Variants in MACO1 observed in about 807,000 individuals in gnomAD.
MACO1 encodes macoilin.
Under a neutral mutation model 78.7 loss-of-function variants are expected in MACO1, and 14 were observed. The observed-to-expected ratio is 0.18, with a 90% CI of 0.12 to 0.28. The LOEUF (loss-of-function observed/expected upper bound fraction) is 0.28. Ranked by LOEUF, MACO1 falls within the 10% of genes least tolerant of loss-of-function variation. The pLI is 1.00. For missense variants in MACO1, 501 were observed against 799.0 expected (o/e 0.63, Z 4.50); for synonymous variants, 288 against 291.6 (o/e 0.99, Z 0.12).
At chr1:25,460,508 T>C (rs999993185) in intron 6 of MACO1, among the ~76,000 whole-genome samples, 2 of 151,904 alleles carry the variant, frequency 1.3e-5, no homozygotes, top group African/African-American at 4.8e-5. Context: ...AGGCTCAGGT[T>C]TTCCTCCCAC....
intron 6 of MACO1, among the ~76,000 whole-genome samples, chr1:25,460,265 G>A (rs2043159514): frequency 6.6e-6 from 1 of 152,026 alleles, no homozygotes; most frequent in South Asian, 2.1e-4. Context: ...AAAAACACGT[G>A]GAAGAGAACT....
At chr1:25,451,674 A>T (rs2043067325) in intron 3 of MACO1, among the ~76,000 whole-genome samples, 1 of 152,210 alleles carries the variant, frequency 6.6e-6, no homozygotes, top group Non-Finnish European at 1.5e-5. Flanking sequence ...TGGGAGGCCA[A>T]GGCGGGTGGA....
chr1:25,488,705 G>GAACTCCTGACCTCA, intron 8 of MACO1, among the ~76,000 whole-genome samples: 1 of 152,108 alleles, frequency 6.6e-6, no homozygotes, highest in South Asian at 2.1e-4. Flanking sequence ...GGCTGGTCTT[G>GAACTCCTGACCTCA]AACTCCTGAC....
chr1:25,441,396 G>A (rs1171056664), intron 1 of MACO1, among the ~76,000 whole-genome samples: 2 of 152,120 alleles, frequency 1.3e-5, no homozygotes, highest in African/African-American at 2.4e-5. Context: ...TGTTGGCCAG[G>A]CTGGTCTCGA....
At chr1:25,444,496 CTTAGTT>C (rs955904579) in intron 1 of MACO1, among the ~76,000 whole-genome samples, 5 of 152,090 alleles carry the variant, frequency 3.3e-5, no homozygotes, top group African/African-American at 7.2e-5. Flanking sequence ...GAAAAAAACT[CTTAGTT>C]TTAAAGTCAA....
At chr1:25,489,917 G>A (rs1448061052) in intron 9 of MACO1, among the ~76,000 whole-genome samples, 1 of 152,056 alleles carries the variant, frequency 6.6e-6, no homozygotes, top group Non-Finnish European at 1.5e-5. Context: ...AAGTAAAGGT[G>A]GCATCAGAGA....
chr1:25,497,148 A>G (rs2043544771), intron 10 of MACO1, among the ~76,000 whole-genome samples: 1 of 152,120 alleles, frequency 6.6e-6, no homozygotes, highest in African/African-American at 2.4e-5. Flanking sequence ...TGGGAGGCCG[A>G]GTTGGGCAGA....
chr1:25,460,438 G>C (rs1480357962), intron 6 of MACO1, among the ~76,000 whole-genome samples: 1 of 147,600 alleles, frequency 6.8e-6, no homozygotes, highest in East Asian at 2.0e-4. Flanking sequence ...GGATCTCACT[G>C]TTTTGCCCAG....
At chr1:25,479,079 C>T (rs1348549130) in intron 6 of MACO1, among the ~76,000 whole-genome samples, 1 of 152,170 alleles carries the variant, frequency 6.6e-6, no homozygotes, top group Non-Finnish European at 1.5e-5. Flanking sequence ...CCTCCATTCT[C>T]TCTATCCCTG....
At chr1:25,491,981 G>A (rs142904314) in intron 10 of MACO1, among the ~76,000 whole-genome samples, 33 of 152,330 alleles carry the variant, frequency 2.2e-4, no homozygotes, top group African/African-American at 7.9e-4. Context: ...GCTGATGTCT[G>A]AGGTGGGCCT....
At chr1:25,447,719 G>C (rs1193748372) in intron 2 of MACO1, among the ~76,000 whole-genome samples, 1 of 152,132 alleles carries the variant, frequency 6.6e-6, no homozygotes, top group African/African-American at 2.4e-5. Flanking sequence ...TCTTAGTATT[G>C]TTATGAAAAT....
intron 10 of MACO1, among the ~76,000 whole-genome samples, chr1:25,494,712 T>G (rs1571994017): frequency 1.3e-5 from 2 of 150,634 alleles, no homozygotes; most frequent in African/African-American, 2.4e-5. Context: ...AGAGTGGAGG[T>G]TCCTGAGAGT....
intron 6 of MACO1, among the ~76,000 whole-genome samples, chr1:25,460,294 G>A (rs1354146074): frequency 6.6e-6 from 1 of 152,096 alleles, no homozygotes; most frequent in Non-Finnish European, 1.5e-5. Context: ...GATGCCCATG[G>A]GAGAAAGACC....
intron 10 of MACO1, among the ~76,000 whole-genome samples, chr1:25,494,041 TTA>T (rs2043513637): frequency 1.3e-5 from 2 of 152,218 alleles, no homozygotes; most frequent in Admixed American, 1.3e-4. Context: ...AGATAGTTTC[TTA>T]TCTCTGTTTC....
chr1:25,493,494 C>T (rs1463996024), intron 10 of MACO1, among the ~76,000 whole-genome samples: 2 of 152,022 alleles, frequency 1.3e-5, no homozygotes, highest in Non-Finnish European at 2.9e-5. Context: ...AAGAGATCCT[C>T]CCATCTCAGC....
At chr1:25,455,125 C>T (rs1216471823) in intron 4 of MACO1, among the ~76,000 whole-genome samples, 1 of 152,022 alleles carries the variant, frequency 6.6e-6, no homozygotes, top group Admixed American at 6.6e-5. Flanking sequence ...TCCAGAAGGT[C>T]TTGATGAAAT....
intron 6 of MACO1, among the ~76,000 whole-genome samples, chr1:25,474,672 A>ATAC (rs1280484245): frequency 6.6e-6 from 1 of 152,178 alleles, no homozygotes; most frequent in Non-Finnish European, 1.5e-5. Flanking sequence ...TCCTCAAACT[A>ATAC]TACTGTGCAG....
chr1:25,435,070 T>C (rs937431973), intron 1 of MACO1, among the ~76,000 whole-genome samples: 2 of 152,224 alleles, frequency 1.3e-5, no homozygotes, highest in Non-Finnish European at 1.5e-5. Context: ...AGTATACATA[T>C]ATTCCAAATC....
Position 25,485,455 on chromosome 1 carries a change from C to A in MACO1, c.1314-158C>A, listed in dbSNP as rs1004406720. Among the ~76,000 whole-genome samples the A allele has an allele frequency of 5.3e-5, 8 of 152,176 alleles. No homozygotes were observed. The highest frequency in any genetic ancestry group is 1.9e-4 in the African/African-American group (8 of 41,436). On this transcript the variant is annotated intron_variant, in intron 7 of 10. Coordinates refer to ENST00000374343, the MANE Select transcript of MACO1 (RefSeq NM_018202.6). This position sits in a 1 kb window ranked among gnomAD's most constrained non-coding sequence, Gnocchi z 4.3. Reference sequence around the variant, plus strand: ...GTGTTTAGGAATTATTAAAGAATAACAGTGTGTTTTCCTCAGGCATTCTGG... The same window carrying A: ...GTGTTTAGGAATTATTAAAGAATAAAAGTGTGTTTTCCTCAGGCATTCTGG...
Sources: allele counts gnomAD v4.1 joint callset (sites outside exome capture counted in the v4.1 genomes callset), GRCh38; gene constraint gnomAD v4.1.1; non-coding constraint Gnocchi (gnomAD v3.1); transcripts MANE v1.5; gene names NCBI Gene and HGNC (gene_info 2026-07-23, HGNC 2026-07-21).